Variants in CCDC33 observed in about 807,000 individuals in gnomAD.
CCDC33 encodes the protein coiled-coil domain containing 33.
Under a neutral mutation model 91.9 loss-of-function variants are expected in CCDC33, and 94 were observed. The observed-to-expected ratio is 1.02, with a 90% CI of 0.87 to 1.21. The LOEUF is 1.21. CCDC33 is among the 50% of genes most tolerant of loss of function. CCDC33 has a pLI of 0.00. For synonymous variants in CCDC33, 396 were observed against 374.5 expected (o/e 1.06, Z -0.66); for missense variants, 940 against 935.5 (o/e 1.00, Z -0.06).
intron 1 of CCDC33, among the ~76,000 whole-genome samples, chr15:74,242,437 A>T (rs891936624): frequency 6.6e-6 from 1 of 152,156 alleles, no homozygotes; most frequent in African/African-American, 2.4e-5. Context: ...GTAATAGGAC[A>T]TTGTTCTCAA....
intron 12 of CCDC33, 100 bp from the exon 13 acceptor site, chr15:74,330,563 G>T: frequency 8.6e-7 from 1 of 1,156,114 alleles, no homozygotes; most frequent in Non-Finnish European, 1.3e-6. Context: ...CCCGTCCCAA[G>T]CCCTCGGGCC....
chr15:74,212,614 A>C (rs145754882), upstream of CCDC33: 1 of 152,322 alleles, frequency 6.6e-6, no homozygotes, highest in African/African-American at 2.4e-5. Context: ...CCCTCGGTGG[A>C]AGGAAGAGAC....
At chr15:74,222,259 G>T (rs2074619547) in intron 2 of CCDC33, among the ~76,000 whole-genome samples, 1 of 152,184 alleles carries the variant, frequency 6.6e-6, no homozygotes, top group African/African-American at 2.4e-5. Context: ...AGGGAAACTG[G>T]AAATTCCCAG....
At chr15:74,228,666 A>G (rs963912293) in intron 2 of CCDC33, among the ~76,000 whole-genome samples, 13 of 152,190 alleles carry the variant, frequency 8.5e-5, no homozygotes, top group Admixed American at 7.9e-4. Flanking sequence ...ACGGATGGGC[A>G]TGGGAGCGAG....
At chr15:74,288,405 C>A (rs1030500922) in intron 10 of CCDC33, among the ~76,000 whole-genome samples, 1 of 152,186 alleles carries the variant, frequency 6.6e-6, no homozygotes, top group African/African-American at 2.4e-5. Context: ...GTTAAAGTAT[C>A]CCCCAAAACT....
In CCDC33 at chr15:74,243,131, C is replaced by A. The variant is rs114275032; in HGVS notation, c.22-854C>A. On this transcript the variant is annotated intron_variant, in intron 1 of 18. Transcript: ENST00000398814. ...GGCAACTGGTGTAGGAAGCCCCCTG[C>A]ATGGGCAGGCACCTCTTCCTCCCTA... Among the ~76,000 whole-genome samples, 237 of 152,352 alleles carry A rather than the reference C, an allele frequency of 1.6e-3. 2 individuals are homozygous for A. The highest frequency in any genetic ancestry group is 5.5e-3 in the African/African-American group (228 of 41,584).
At position 74,279,948 on chromosome 15, in the gene CCDC33, A is replaced by C. The variant is rs1302558018; in HGVS notation, c.760-15A>C. On this transcript the variant is annotated splice_polypyrimidine_tract_variant and intron_variant, in intron 7 of 18. Coordinates refer to ENST00000398814, the MANE Select transcript of CCDC33 (RefSeq NM_025055.5). ...GCTGTGGCCCCCACCACCTGCTCCT[A>C]CCCTCTCCCTCCAGCTGTCCAAGCC... 6.2e-7 allele frequency: 1 copy of C among 1,612,960 alleles called. No individual in the cohort carries two copies. The highest frequency in any genetic ancestry group is 1.7e-5 in the Admixed American group (1 of 59,884).
At chr15:74,256,118 G>A (rs745587289) in intron 2 of CCDC33, among the ~76,000 whole-genome samples, 16 of 152,128 alleles carry the variant, frequency 1.1e-4, no homozygotes, top group African/African-American at 1.9e-4. Context: ...GTGGGGAGGC[G>A]CCAGGAATCA....
intron 1 of CCDC33, among the ~76,000 whole-genome samples, chr15:74,205,416 T>G (rs1037847938): frequency 1.3e-5 from 2 of 152,064 alleles, no homozygotes; most frequent in Admixed American, 6.5e-5. Flanking sequence ...GGCAGGACAC[T>G]TGGCAAGAGA....
At chr15:74,220,231 A>G (rs752431792) in intron 2 of CCDC33, among the ~76,000 whole-genome samples, 4 of 152,206 alleles carry the variant, frequency 2.6e-5, no homozygotes, top group East Asian at 1.9e-4. Context: ...CCCAGGGACC[A>G]GCTTCTCTTG....
At chr15:74,238,186 G>A (rs2075237826) in intron 1 of CCDC33, among the ~76,000 whole-genome samples, 1 of 151,010 alleles carries the variant, frequency 6.6e-6, no homozygotes, top group Non-Finnish European at 1.5e-5. Context: ...CAGCACTTTG[G>A]GAGGCCAAGG....
intron 10 of CCDC33, among the ~76,000 whole-genome samples, chr15:74,286,185 G>T (rs1318153826): frequency 6.6e-6 from 1 of 152,206 alleles, no homozygotes; most frequent in Non-Finnish European, 1.5e-5. Flanking sequence ...GGTAGAGGTT[G>T]CAGTGAGCCA....
chr15:74,248,777 C>T (rs2075615980), intron 2 of CCDC33, among the ~76,000 whole-genome samples: 1 of 152,166 alleles, frequency 6.6e-6, no homozygotes, highest in African/African-American at 2.4e-5. Context: ...AGGCACTTGG[C>T]TCATCTTGGG....
intron 3 of CCDC33, among the ~76,000 whole-genome samples, chr15:74,265,368 T>TCATTCTTTCTCCATCCCTCC (rs2076138664): frequency 6.6e-6 from 1 of 152,210 alleles, no homozygotes; most frequent in Non-Finnish European, 1.5e-5. Context: ...CTCATCTCTC[T>TCATTCTTTCTCCATCCCTCC]CATTCTTTCT....
chr15:74,280,882 C>A, intron 9 of CCDC33, 81 bp downstream of exon 9: 1 of 1,299,884 alleles, frequency 7.7e-7, no homozygotes, highest in Non-Finnish European at 1.0e-6. Context: ...CTCACCACAC[C>A]TCCATAGGAG....
intron 7 of CCDC33, among the ~76,000 whole-genome samples, chr15:74,277,675 G>T (rs552020997): frequency 2.0e-5 from 3 of 152,290 alleles, no homozygotes; most frequent in Admixed American, 1.3e-4. Context: ...CACCACTCCT[G>T]CCTGCACATG....
At chr15:74,253,019 G>T (rs1227233038) in intron 2 of CCDC33, among the ~76,000 whole-genome samples, 1 of 152,136 alleles carries the variant, frequency 6.6e-6, no homozygotes, top group Non-Finnish European at 1.5e-5. Flanking sequence ...GCCACCTGGG[G>T]CCCCTAAGGT....
intron 7 of CCDC33, among the ~76,000 whole-genome samples, chr15:74,276,958 C>T (rs184514369): frequency 6.6e-6 from 1 of 152,070 alleles, no homozygotes; most frequent in African/African-American, 2.4e-5. Context: ...GTGTGTCTGT[C>T]TGTCTGTCTG....
chr15:74,221,475 T>TG (rs2074595492), intron 2 of CCDC33: 1 of 203,818 alleles, frequency 4.9e-6, no homozygotes, highest in African/African-American at 2.4e-5. Flanking sequence ...CTGCCAATGC[T>TG]GGTCACAGCA....
Sources: allele counts gnomAD v4.1 joint callset (sites outside exome capture counted in the v4.1 genomes callset), GRCh38; gene constraint gnomAD v4.1.1; transcripts MANE v1.5; gene names NCBI Gene and HGNC (gene_info 2026-07-23, HGNC 2026-07-21).